Variants in STS observed in about 807,000 individuals in gnomAD.
STS encodes the protein steryl-sulfatase.
A neutral mutation model predicts 26.8 loss-of-function variants in STS; 7 were observed. The observed-to-expected ratio is 0.26, with a 90% CI of 0.15 to 0.49. The LOEUF (loss-of-function observed/expected upper bound fraction) is 0.49, where lower values mean the gene tolerates loss of function less well. Among genes scored for constraint, STS ranks in the 20% least tolerant of loss-of-function variants. The pLI is 0.98. For synonymous variants in STS, 199 were observed against 189.4 expected (o/e 1.05, Z -0.42); for missense variants, 434 against 465.6 (o/e 0.93, Z 0.63).
chrX:7,174,459 A>C (rs1933527428), intron 1 of STS, among the ~76,000 whole-genome samples: 1 of 111,810 alleles, frequency 8.9e-6, no homozygotes, highest in African/African-American at 3.3e-5. Context: ...GTAATAACAG[A>C]CATATTTACT....
At chrX:7,286,471 G>A (rs1237205493) in intron 7 of STS, among the ~76,000 whole-genome samples, 1 of 110,558 alleles carries the variant, frequency 9.0e-6, no homozygotes, top group Non-Finnish European at 1.9e-5. Context: ...AGGGACTTTT[G>A]ACAGGGGCTG....
chrX:7,308,294 G>A (rs1402451300), intron 8 of STS, among the ~76,000 whole-genome samples: 1 of 112,164 alleles, frequency 8.9e-6, no homozygotes, highest in Non-Finnish European at 1.9e-5. Flanking sequence ...AAATAGCTTA[G>A]CAGCTGCCGA....
intron 1 of STS, among the ~76,000 whole-genome samples, chrX:7,157,458 T>C (rs1211320357): frequency 2.7e-5 from 3 of 111,619 alleles, no homozygotes; most frequent in Non-Finnish European, 5.6e-5. Context: ...GGCACAGTTA[T>C]AGGAATGTCA....
At chrX:7,253,166 A>G (rs760872399) in intron 2 of STS, 30 bp from the exon 3 acceptor site, 9 of 1,208,787 alleles carry the variant, frequency 7.4e-6, no homozygotes, top group Non-Finnish European at 1.0e-5. Context: ...GACATCCTTC[A>G]GTTCCTTTTT....
chrX:7,186,595 G>T (rs1344390224), intron 1 of STS, among the ~76,000 whole-genome samples: 1 of 111,540 alleles, frequency 9.0e-6, no homozygotes, highest in Non-Finnish European at 1.9e-5. Flanking sequence ...CGAACATCTG[G>T]TCCTATTGGG....
intron 10 of STS, among the ~76,000 whole-genome samples, chrX:7,345,428 G>A (rs1928483709): frequency 9.0e-6 from 1 of 111,367 alleles, no homozygotes; most frequent in African/African-American, 3.3e-5. Context: ...CAGTAAATTG[G>A]CTTAATCTAA....
chrX:7,337,750 G>A (rs748732214), intron 10 of STS, among the ~76,000 whole-genome samples: 1 of 111,900 alleles, frequency 8.9e-6, no homozygotes, highest in African/African-American at 3.2e-5. Context: ...CACGGCAATT[G>A]GCAAACACAA....
At chrX:7,190,265 T>G (rs757075715) in intron 1 of STS, among the ~76,000 whole-genome samples, 7 of 108,751 alleles carry the variant, frequency 6.4e-5, no homozygotes, top group Non-Finnish European at 1.1e-4. Context: ...TCATGAGGAG[T>G]GTGCAACCTA....
intron 9 of STS, among the ~76,000 whole-genome samples, chrX:7,328,536 A>G (rs1007147300): frequency 3.9e-5 from 4 of 103,106 alleles, no homozygotes; most frequent in South Asian, 8.9e-4. Context: ...CATGGACCTC[A>G]GAGGTGCTTG....
At chrX:7,348,541 C>T (rs1161915015) in intron 10 of STS, among the ~76,000 whole-genome samples, 4 of 112,049 alleles carry the variant, frequency 3.6e-5, no homozygotes, top group Non-Finnish European at 5.6e-5. Context: ...ACCCATGAAA[C>T]ATGTTTAGGC....
At chrX:7,187,078 CAG>C (rs1933786250) in intron 1 of STS, among the ~76,000 whole-genome samples, 1 of 111,909 alleles carries the variant, frequency 8.9e-6, no homozygotes, top group Non-Finnish European at 1.9e-5. Flanking sequence ...TTTCCAGAGA[CAG>C]ACTTTGCTAA....
At chrX:7,299,143 C>T (rs1925826941) in intron 7 of STS, among the ~76,000 whole-genome samples, 2 of 87,112 alleles carry the variant, frequency 2.3e-5, no homozygotes, top group African/African-American at 4.4e-5. Flanking sequence ...ATTATAATTT[C>T]TATATAAATT....
At chrX:7,282,804 C>T (rs771517991) in intron 7 of STS, among the ~76,000 whole-genome samples, 264 of 111,953 alleles carry the variant, frequency 2.4e-3, no homozygotes, top group Middle Eastern at 4.6e-3. Flanking sequence ...AAAGCCTGAT[C>T]CAAGGTGCCA....
intron 8 of STS, among the ~76,000 whole-genome samples, chrX:7,318,344 A>T (rs1926812483): frequency 9.0e-6 from 1 of 110,961 alleles, no homozygotes; most frequent in African/African-American, 3.3e-5. Flanking sequence ...CTTTCCACAC[A>T]ATATCGCAGG....
rs1178578773 is a variant in STS at position 7,349,316 on chromosome X, C to CTTT, written c.1364-537_1364-535dup. Among the ~76,000 whole-genome samples the CTTT allele has an allele frequency of 6.2e-4, 33 of 52,885 alleles. 4 individuals carry two copies. Among genetic ancestry groups the CTTT allele is most frequent in the African/African-American group, 8.1e-4 (11 of 13,642 alleles). 45.9% of individuals were successfully genotyped at this position (52,885 alleles called of 115,157 possible). A position where few individuals can be genotyped will look rare whatever the true frequency, so the allele number is the denominator to read the frequency against. ...GCTGCACTCGGCCCTCATTTAATTC[C>CTTT]TTTTTTTTTTTTTTTTTTTTTTTTT... On this transcript the variant is annotated intron_variant, in intron 10 of 10. Coordinates refer to ENST00000674429, the MANE Select transcript of STS (RefSeq NM_001320752.2).
chrX:7,349,609 A>G (rs1928696506), intron 10 of STS, among the ~76,000 whole-genome samples: 1 of 110,390 alleles, frequency 9.1e-6, no homozygotes, highest in African/African-American at 3.3e-5. Context: ...AGTTCATTTA[A>G]TTCTTGATTC....
chrX:7,219,795 T>G, intron 2 of STS: 1 of 916,921 alleles, frequency 1.1e-6, no homozygotes, highest in Non-Finnish European at 1.6e-6. Flanking sequence ...CCAACATGTG[T>G]TGTCTTGTTC....
At chrX:7,271,605 T>C (rs1333908110) in intron 6 of STS, among the ~76,000 whole-genome samples, 1 of 111,044 alleles carries the variant, frequency 9.0e-6, no homozygotes, top group Non-Finnish European at 1.9e-5. Context: ...AGCAGTAGTA[T>C]GTCCTCTTTT....
intron 2 of STS, among the ~76,000 whole-genome samples, chrX:7,205,384 G>A (rs1278113485): frequency 1.8e-5 from 2 of 111,559 alleles, no homozygotes; most frequent in Admixed American, 9.5e-5. Context: ...ATGTGAGAGT[G>A]CAACCACAGA....
Sources: allele counts gnomAD v4.1 joint callset (sites outside exome capture counted in the v4.1 genomes callset), GRCh38; gene constraint gnomAD v4.1.1; transcripts MANE v1.5; gene names NCBI Gene and HGNC (gene_info 2026-07-23, HGNC 2026-07-21).